NCOR1: variants seen among roughly 807,000 people sequenced by gnomAD.
NCOR1 encodes nuclear receptor corepressor 1, also known as protein phosphatase 1, regulatory subunit 109.
A neutral mutation model predicts 288.1 loss-of-function variants in NCOR1; 63 were observed. The ratio of observed to expected loss-of-function variants is 0.22; its 90% confidence interval spans 0.18 to 0.27. The LOEUF is 0.27. Among genes scored for constraint, NCOR1 ranks in the 10% least tolerant of loss-of-function variants. The probability of loss-of-function intolerance (pLI) is 1.00; values close to 1 mark genes in which losing one functional copy is unlikely to be tolerated. For missense variants in NCOR1, 2,397 were observed against 3,019.2 expected, an observed-to-expected ratio of 0.79 and a Z score of 4.83; for synonymous variants, 1,007 against 1,065.9, an observed-to-expected ratio of 0.94 and a Z score of 1.08.
chr17:16,095,180 C>A (rs1350410115), intron 21 of NCOR1, among the ~76,000 whole-genome samples: 5 of 151,848 alleles, frequency 3.3e-5, no homozygotes, highest in Non-Finnish European at 7.4e-5. Context: ...GCCCGGCCGC[C>A]CATCGTCTGA....
intron 42 of NCOR1, among the ~76,000 whole-genome samples, chr17:16,044,051 C>T (rs2058210863): frequency 1.3e-5 from 2 of 151,892 alleles, no homozygotes; most frequent in Non-Finnish European, 2.9e-5. Context: ...TGCCTGTAAT[C>T]CCAGCTACTC....
At position 16,065,660 on chromosome 17, in the gene NCOR1, T is replaced by C; in HGVS notation, c.4776A>G (p.Ser1592=). Residue 1592 remains serine (S), a synonymous_variant, in exon 33 of 46, where the codon TCA becomes TCG. Transcript: ENST00000268712. ...AAAYLFQRQL[S]PTPGYPSQYQ... ...ACTGACTTGGGTAACCTGGAGTTGG[T>C]GAAAGCTGTCTCTGAAACAGGTAAG... 1 of 1,614,198 alleles carries C rather than the reference T, an allele frequency of 6.2e-7. No individual in the cohort carries two copies. Among genetic ancestry groups the C allele is most frequent in the African/African-American group, 1.3e-5 (1 of 75,046 alleles).
chr17:16,153,476 C>G (rs1187850114), intron 6 of NCOR1, 81 bp from the exon 7 acceptor site: 2 of 927,034 alleles, frequency 2.2e-6, no homozygotes, highest in East Asian at 5.4e-5. Flanking sequence ...AAATATTTAT[C>G]TAAGACTAAT....
At chr17:16,194,307 T>C (rs1263881489) in intron 2 of NCOR1, among the ~76,000 whole-genome samples, 155 bp downstream of exon 2, 7 of 151,840 alleles carry the variant, frequency 4.6e-5, no homozygotes, top group Non-Finnish European at 1.0e-4. Context: ...AATAATTAAT[T>C]CCCAATCTTT....
At chr17:16,052,093 C>T (rs2059388247) in intron 40 of NCOR1, among the ~76,000 whole-genome samples, 1 of 151,948 alleles carries the variant, frequency 6.6e-6, no homozygotes, top group African/African-American at 2.4e-5. Flanking sequence ...ACTGCAAGCT[C>T]CGCCTCCCGG....
intron 2 of NCOR1, chr17:16,192,187 G>A (rs1179617693): frequency 6.7e-6 from 1 of 150,332 alleles, no homozygotes. Flanking sequence ...CCAAATTGCT[G>A]AAAATCAATG....
chr17:16,206,837 G>A (rs2091568954), intron 1 of NCOR1, among the ~76,000 whole-genome samples: 2 of 152,016 alleles, frequency 1.3e-5, no homozygotes, highest in Admixed American at 6.6e-5. Context: ...GACAAACACA[G>A]AAAAGAAAAC....
chr17:16,149,452 C>G lies in NCOR1; in HGVS notation c.908G>C (p.Arg303Thr). 1 of 1,553,036 alleles carries G rather than the reference C, an allele frequency of 6.4e-7. No homozygotes were observed. Among genetic ancestry groups the G allele is most frequent in the African/African-American group, 1.4e-5 (1 of 72,828 alleles). ...CAGTTAACAAGGATAGGACCTCACCCTTTGTTTTCTTGCATGATTTCTTCT... is the reference window on the plus strand; with the variant it reads ...CAGTTAACAAGGATAGGACCTCACCGTTTGTTTTCTTGCATGATTTCTTCT... Reference protein sequence around the residue: ...FKRRNHARKQREQKICQRYDQ... With the variant: ...FKRRNHARKQTEQKICQRYDQ... Residue 303 changes from arginine to threonine, a missense_variant and splice_region_variant, in exon 9 of 46, where the codon AGG (arginine) becomes ACG (threonine). Arg to Thr is a moderately conservative substitution (Grantham distance 71). This residue lies in a region of NCOR1 where 51 missense variants were observed against 127.6 expected (regional missense o/e 0.40). Coordinates refer to ENST00000268712, the MANE Select transcript of NCOR1 (RefSeq NM_006311.4).
intron 5 of NCOR1, among the ~76,000 whole-genome samples, chr17:16,163,584 G>C (rs1275209239): frequency 6.6e-6 from 1 of 152,126 alleles, no homozygotes; most frequent in African/African-American, 2.4e-5. Context: ...AAATGGTACA[G>C]AGACTTTGGA....
intron 22 of NCOR1, 128 bp downstream of exon 22, chr17:16,091,735 G>T: frequency 6.6e-7 from 1 of 1,520,066 alleles, no homozygotes; most frequent in Non-Finnish European, 8.8e-7. Flanking sequence ...AAGGAACTGT[G>T]TCTGTTAGGA....
chr17:16,106,817 G>T (rs775256512), intron 19 of NCOR1, among the ~76,000 whole-genome samples: 3 of 133,634 alleles, frequency 2.2e-5, no homozygotes, highest in Non-Finnish European at 4.7e-5. Flanking sequence ...CTAGATGATT[G>T]AGCAGATGTG....
chr17:16,105,909 G>C (rs1022759681), intron 19 of NCOR1, among the ~76,000 whole-genome samples: 3 of 152,178 alleles, frequency 2.0e-5, no homozygotes, highest in African/African-American at 7.2e-5. Flanking sequence ...AGACAAGCCT[G>C]ACCAACGTAG....
intron 17 of NCOR1, 85 bp from the exon 18 acceptor site, chr17:16,118,112 G>T: frequency 1.4e-6 from 2 of 1,384,114 alleles, no homozygotes; most frequent in Non-Finnish European, 2.0e-6. Context: ...CTTAATCACT[G>T]TATTCACAAC....
At position 16,125,764 on chromosome 17, in the gene NCOR1, T is replaced by C. The variant is rs184857489; in HGVS notation, c.1634+318A>G. Reference sequence around the variant, plus strand: ...ACATGGATCAAACTAACGGCTATCATCTTAAGTGAAATAACTCAGAAACAG... The same window carrying C: ...ACATGGATCAAACTAACGGCTATCACCTTAAGTGAAATAACTCAGAAACAG... On this transcript the variant is annotated intron_variant, in intron 15 of 45. Coordinates refer to ENST00000268712, the MANE Select transcript of NCOR1 (RefSeq NM_006311.4). Among the ~76,000 whole-genome samples the C allele has an allele frequency of 2.0e-4, 30 of 148,462 alleles. 1 individual carries two copies. The highest frequency in any genetic ancestry group is 7.2e-4 in the African/African-American group (29 of 40,404).
chr17:16,081,322 CG>C (rs1320599682), intron 23 of NCOR1, among the ~76,000 whole-genome samples: 2 of 144,370 alleles, frequency 1.4e-5, no homozygotes, highest in Non-Finnish European at 3.0e-5. Flanking sequence ...ATGTAAGAAT[CG>C]ACTTTTAAAG....
At chr17:16,067,653 G>A (rs1408050958) in intron 32 of NCOR1, among the ~76,000 whole-genome samples, 1 of 152,154 alleles carries the variant, frequency 6.6e-6, no homozygotes, top group Admixed American at 6.5e-5. Context: ...GTTTCACCAA[G>A]TGCCATCAGA....
chr17:16,185,998 A>G (rs2086604509), intron 3 of NCOR1, among the ~76,000 whole-genome samples: 1 of 152,168 alleles, frequency 6.6e-6, no homozygotes, highest in South Asian at 2.1e-4. Flanking sequence ...AAAAGAAAGC[A>G]GAGATGGTAA....
rs367874483 is a variant in NCOR1, at chr17:16,092,031, T to C, written c.2848A>G (p.Ile950Val). 7.8e-5 allele frequency: 126 copies of C among 1,614,016 alleles called. No homozygotes were observed. The highest frequency in any genetic ancestry group is 3.6e-4 in the East Asian group (16 of 44,904). The change falls in exon 22 of 46, where the codon ATT becomes GTT. Residue 950 changes from isoleucine (I) to valine (V), a missense_variant. This residue lies in a region of NCOR1 where 1,872 missense variants were observed against 2,187.8 expected (regional missense o/e 0.86). Transcript: ENST00000268712. ...GCATAGCCGCTCACTGGGGTTCCAA[T>C]TGGTATGTTACATGGGGTGCAGGAT... is the stretch of plus-strand genomic sequence containing the variant. ...MVSCTPCNIP[I>V]GTPVSGYALY...
chr17:16,066,440 A>T (rs1280799223), intron 32 of NCOR1, among the ~76,000 whole-genome samples: 1 of 151,594 alleles, frequency 6.6e-6, no homozygotes. Flanking sequence ...AAAGTAGATA[A>T]TGTCTCTCTC....
Sources: allele counts gnomAD v4.1 joint callset (sites outside exome capture counted in the v4.1 genomes callset), GRCh38; gene constraint gnomAD v4.1.1; regional missense constraint gnomAD v4.1.1; transcripts MANE v1.5; gene names NCBI Gene and HGNC (gene_info 2026-07-23, HGNC 2026-07-21).